The following CADM2 variants were observed in gnomAD, a reference collection of about 807,000 sequenced individuals.
CADM2 encodes immunoglobulin superfamily member 4D.
In CADM2, 12 loss-of-function variants were observed where a neutral mutation model predicts 49.8. That is an observed-to-expected ratio of 0.24 (90% CI 0.15 to 0.39). The LOEUF (loss-of-function observed/expected upper bound fraction) is 0.39, where lower values mean the gene tolerates loss of function less well. Ranked by LOEUF, CADM2 falls within the 10% of genes least tolerant of loss-of-function variation. CADM2 has a pLI of 1.00. For synonymous variants in CADM2, 214 were observed against 175.4 expected (o/e 1.22, Z -1.74); for missense variants, 378 against 492.3 (o/e 0.77, Z 2.20).
intron 2 of CADM2, among the ~76,000 whole-genome samples, chr3:85,751,673 C>T (rs957041977): frequency 2.0e-5 from 3 of 152,102 alleles, no homozygotes; most frequent in African/African-American, 7.2e-5. Flanking sequence ...CCCAAAGTAC[C>T]CATTTGCTTT....
chr3:85,567,311 AC>A (rs2062295077), intron 1 of CADM2, among the ~76,000 whole-genome samples: 1 of 152,264 alleles, frequency 6.6e-6, no homozygotes, highest in South Asian at 2.1e-4. Flanking sequence ...ACAGGCCTTT[AC>A]TGCCTTACTT....
chr3:85,292,125 CA>C (rs2043817183), intron 1 of CADM2, among the ~76,000 whole-genome samples: 1 of 147,802 alleles, frequency 6.8e-6, no homozygotes. Flanking sequence ...CAAAAAAAGG[CA>C]GGGGTTGCAA....
At chr3:85,215,456 G>T (rs957225718) in intron 1 of CADM2, among the ~76,000 whole-genome samples, 1 of 151,506 alleles carries the variant, frequency 6.6e-6, no homozygotes. Flanking sequence ...GTCATGGGAG[G>T]TTGAAGTCCT....
chr3:85,995,867 A>T (rs1397197413), intron 8 of CADM2, among the ~76,000 whole-genome samples: 1 of 152,130 alleles, frequency 6.6e-6, no homozygotes, highest in Non-Finnish European at 1.5e-5. Context: ...AGGCGGGTGG[A>T]TCACGAGGTC....
intron 1 of CADM2, among the ~76,000 whole-genome samples, chr3:85,189,062 A>AAAATAAATAAATAAATAAAT (rs67058834): frequency 1.4e-5 from 2 of 145,560 alleles, no homozygotes; most frequent in Non-Finnish European, 1.5e-5. Flanking sequence ...ATAAATAAAT[A>AAAATAAATAAATAAATAAAT]AAATAAATAA....
Position 85,120,275 on chromosome 3 carries a change from C to T in CADM2, c.61+160607C>T, listed in dbSNP as rs7611098. On this transcript the variant is annotated intron_variant, in intron 1 of 9. Coordinates refer to ENST00000383699, the MANE Select transcript of CADM2 (RefSeq NM_001167675.2). ...TCAACCATTGTGGAAGACAGTGTGG[C>T]GATTCCTCAAGGATCTAGAACCAGA... 6.9e-3 allele frequency among the ~76,000 whole-genome samples: 1,050 copies of T among 152,168 alleles called. 10 individuals carry two copies. Among genetic ancestry groups the T allele is most frequent in the African/African-American group, 0.023 (959 of 41,516 alleles).
chr3:85,236,273 A>T (rs1334609372), intron 1 of CADM2, among the ~76,000 whole-genome samples: 1 of 152,070 alleles, frequency 6.6e-6, no homozygotes, highest in African/African-American at 2.4e-5. Context: ...ATGTAGAATT[A>T]TATGCATAAA....
At chr3:85,030,175 C>T (rs2034916509) in intron 1 of CADM2, among the ~76,000 whole-genome samples, 1 of 152,192 alleles carries the variant, frequency 6.6e-6, no homozygotes, top group South Asian at 2.1e-4. Flanking sequence ...TATCACTGCT[C>T]CTCTAGTTTC....
chr3:85,052,024 C>T (rs2035900798), intron 1 of CADM2, among the ~76,000 whole-genome samples: 1 of 152,042 alleles, frequency 6.6e-6, no homozygotes, highest in Non-Finnish European at 1.5e-5. Flanking sequence ...TGGAATTTCA[C>T]AATAACTGCC....
intron 1 of CADM2, among the ~76,000 whole-genome samples, chr3:85,001,642 T>G (rs1030076691): frequency 5.3e-5 from 8 of 152,090 alleles, no homozygotes; most frequent in African/African-American, 1.9e-4. Context: ...TATAGAAACG[T>G]TTTAAAGATA....
At chr3:85,467,930 G>A (rs189092746) in intron 1 of CADM2, among the ~76,000 whole-genome samples, 1 of 151,884 alleles carries the variant, frequency 6.6e-6, no homozygotes, top group African/African-American at 2.4e-5. Flanking sequence ...CGAGGCGGGC[G>A]GATCACGAGG....
chr3:85,641,064 A>C (rs965452751), intron 1 of CADM2, among the ~76,000 whole-genome samples: 8 of 152,326 alleles, frequency 5.3e-5, no homozygotes, highest in African/African-American at 1.9e-4. Flanking sequence ...ACTTTGTAAC[A>C]TAGAGCATGT....
chr3:85,763,555 T>C (rs2069501757), intron 2 of CADM2, among the ~76,000 whole-genome samples: 2 of 152,170 alleles, frequency 1.3e-5, no homozygotes, highest in African/African-American at 4.8e-5. Context: ...CATTCAACTG[T>C]GCTTTCTTAG....
chr3:85,744,354 T>C (rs1284407876), intron 2 of CADM2, among the ~76,000 whole-genome samples: 1 of 152,112 alleles, frequency 6.6e-6, no homozygotes. Context: ...TTTTAAATAA[T>C]CAAGAGTATA....
chr3:86,040,651 A>C (rs1352936404), intron 8 of CADM2, among the ~76,000 whole-genome samples: 1 of 152,194 alleles, frequency 6.6e-6, no homozygotes, highest in Non-Finnish European at 1.5e-5. Context: ...AAGTTGGAAA[A>C]CACTCTGCAG....
At chr3:85,253,694 C>T (rs566976815) in intron 1 of CADM2, among the ~76,000 whole-genome samples, 1 of 152,148 alleles carries the variant, frequency 6.6e-6, no homozygotes, top group East Asian at 1.9e-4. Flanking sequence ...ACTTCTCAAG[C>T]TGAGCTGAAT....
intron 1 of CADM2, among the ~76,000 whole-genome samples, chr3:85,045,180 A>G (rs1192271694): frequency 1.3e-5 from 2 of 152,170 alleles, no homozygotes; most frequent in Non-Finnish European, 2.9e-5. Context: ...CTCGTTGGAC[A>G]CTGGAGGAAA....
At chr3:85,995,557 G>A (rs1729276606) in intron 8 of CADM2, among the ~76,000 whole-genome samples, 1 of 152,058 alleles carries the variant, frequency 6.6e-6, no homozygotes, top group South Asian at 2.1e-4. Context: ...CCTACTTTCT[G>A]CATCGTATTC....
chr3:85,638,327 T>A (rs2064583802), intron 1 of CADM2, among the ~76,000 whole-genome samples: 1 of 152,184 alleles, frequency 6.6e-6, no homozygotes, highest in South Asian at 2.1e-4. Context: ...TTTCCAAAAT[T>A]ATAATATTTA....
Sources: allele counts gnomAD v4.1 joint callset (sites outside exome capture counted in the v4.1 genomes callset), GRCh38; gene constraint gnomAD v4.1.1; transcripts MANE v1.5; gene names NCBI Gene and HGNC (gene_info 2026-07-23, HGNC 2026-07-21).